CNR1: variants seen among roughly 807,000 people sequenced by gnomAD.
CNR1 encodes the protein cannabinoid receptor 1.
In CNR1, 10 loss-of-function variants were observed where a neutral mutation model predicts 23.0. The observed-to-expected ratio is 0.43, with a 90% CI of 0.27 to 0.74. CNR1 has a LOEUF of 0.74. CNR1 is among the 30% of genes least tolerant of loss of function. CNR1 has a pLI of 0.19. For synonymous variants in CNR1, 271 were observed against 255.2 expected, an observed-to-expected ratio of 1.06 and a Z score of -0.59; for missense variants, 422 against 618.8, an observed-to-expected ratio of 0.68 and a Z score of 3.37.
intron 1 of CNR1, among the ~76,000 whole-genome samples, chr6:88,156,561 TTC>T (rs780552164): frequency 4.6e-5 from 7 of 152,220 alleles, no homozygotes; most frequent in Non-Finnish European, 8.8e-5. Flanking sequence ...GCTGTGTGAA[TTC>T]TCTTTCTCTA....
chr6:88,153,745 A>G (rs1353636533), intron 1 of CNR1, among the ~76,000 whole-genome samples: 2 of 152,228 alleles, frequency 1.3e-5, no homozygotes, highest in Non-Finnish European at 2.9e-5. Context: ...GTATTTCTCT[A>G]AAGTTAGTAG....
chr6:88,161,949 G>A (rs967231044), intron 1 of CNR1, among the ~76,000 whole-genome samples: 1 of 152,114 alleles, frequency 6.6e-6, no homozygotes, highest in Non-Finnish European at 1.5e-5. Flanking sequence ...CCTCCAACTT[G>A]TACAGCCCTA....
Position 88,140,163 on chromosome 6 carries a change from T to C in CNR1, c.*3693A>G, listed in dbSNP as rs1439531375. On this transcript the variant is annotated 3_prime_UTR_variant, in exon 2 of 2. Coordinates refer to ENST00000369501, the MANE Select transcript of CNR1 (RefSeq NM_016083.6). The stretch of plus-strand genomic sequence containing the variant: ...CGATGTTACCAGCTCAACAAACATC[T>C]AACAATACAATATTCTTCTAAGAGG... The C allele has an allele frequency of 1.3e-5, 2 of 152,796 alleles. No homozygotes were observed. The highest frequency in any genetic ancestry group is 1.5e-5 in the Non-Finnish European group (1 of 68,032). 9.5% of individuals were successfully genotyped at this position (152,796 alleles called of 1,614,324 possible).
intron 1 of CNR1, among the ~76,000 whole-genome samples, chr6:88,150,721 A>AGTT (rs562954775): frequency 5.1e-4 from 77 of 152,302 alleles, no homozygotes; most frequent in African/African-American, 1.8e-3. Context: ...TATGGGTGGG[A>AGTT]GTTGAAAGGC....
intron 1 of CNR1, among the ~76,000 whole-genome samples, chr6:88,161,696 TG>T (rs1187109052): frequency 6.6e-6 from 1 of 152,220 alleles, no homozygotes; most frequent in Non-Finnish European, 1.5e-5. Flanking sequence ...ATTAGCAATA[TG>T]TATTAAACAT....
At chr6:88,154,672 G>A (rs1261291318) in intron 1 of CNR1, among the ~76,000 whole-genome samples, 4 of 152,102 alleles carry the variant, frequency 2.6e-5, no homozygotes, top group Admixed American at 6.5e-5. Context: ...TCCACCTCCC[G>A]AATTCAAGTG....
chr6:88,143,559 G>A lies in CNR1; in HGVS notation c.*297C>T, dbSNP rs909854888. 2 of 283,024 alleles carry A rather than the reference G, an allele frequency of 7.1e-6. No homozygotes were observed. Among genetic ancestry groups the A allele is most frequent in the Admixed American group, 4.8e-5 (1 of 21,026 alleles). 17.5% of individuals were successfully genotyped at this position (283,024 alleles called of 1,614,324 possible). A position where few individuals can be genotyped will look rare whatever the true frequency, so the allele number is the denominator to read the frequency against. On this transcript the variant is annotated 3_prime_UTR_variant, in exon 2 of 2. Transcript: ENST00000369501. ...TATTCATTTGATGGCATTTTTCCAT[G>A]GGTTCTTAGACTTCCAATTGTGTAG...
chr6:88,140,417 A>G lies in CNR1; in HGVS notation c.*3439T>C, dbSNP rs1037325117. Reference sequence around the variant, plus strand: ...CTGATTTGTAGGCCACTGCTCAAACATCTGACTTTTTAGAAACCTATTTAC... The same window carrying G: ...CTGATTTGTAGGCCACTGCTCAAACGTCTGACTTTTTAGAAACCTATTTAC... On this transcript the variant is annotated 3_prime_UTR_variant, in exon 2 of 2. Transcript: ENST00000369501. The G allele has an allele frequency of 6.5e-6, 1 of 152,804 alleles. No individual in the cohort carries two copies. Among genetic ancestry groups the G allele is most frequent in the African/African-American group, 2.4e-5 (1 of 41,458 alleles). The allele number at this position is 152,804 out of a possible 1,614,324, so 9.5% of individuals were successfully genotyped here. A position where few individuals can be genotyped will look rare whatever the true frequency, so the allele number is the denominator to read the frequency against.
intron 1 of CNR1, among the ~76,000 whole-genome samples, chr6:88,161,103 G>A (rs1363281826): frequency 6.6e-6 from 1 of 152,204 alleles, no homozygotes; most frequent in South Asian, 2.1e-4. Context: ...CAAAAATATA[G>A]AATATTATGC....
chr6:88,165,614 T>C lies in CNR1; in HGVS notation c.-64+189A>G, dbSNP rs6918069. ...CACACATTCAATAAATAGTAAATGG[T>C]AGAAATCTCCAGAAGTAGAACAGAT... On this transcript the variant is annotated intron_variant, in intron 1 of 1. Transcript: ENST00000369501. Among the ~76,000 whole-genome samples, 503 of 152,246 alleles carry C rather than the reference T, an allele frequency of 3.3e-3. 2 individuals carry two copies. Among genetic ancestry groups the C allele is most frequent in the African/African-American group, 0.011 (476 of 41,538 alleles).
chr6:88,164,746 T>C (rs1023057592), intron 1 of CNR1, among the ~76,000 whole-genome samples: 14 of 152,336 alleles, frequency 9.2e-5, no homozygotes, highest in East Asian at 3.9e-4. Context: ...GCAAAATAGA[T>C]TGATGTCAGT....
intron 1 of CNR1, among the ~76,000 whole-genome samples, chr6:88,163,487 T>G (rs746937488): frequency 3.9e-5 from 6 of 152,228 alleles, no homozygotes; most frequent in African/African-American, 1.2e-4. Context: ...CAAACACTAA[T>G]ATGCAAGACA....
rs899692769 is a variant in CNR1, at chr6:88,142,582, G to C, written c.*1274C>G. Reference sequence around the variant, plus strand: ...AATACTTGATCCAATCTCTTAAGGAGGGATGGGGTGAAATTTTTGAATGGT... The same window carrying C: ...AATACTTGATCCAATCTCTTAAGGACGGATGGGGTGAAATTTTTGAATGGT... On this transcript the variant is annotated 3_prime_UTR_variant, in exon 2 of 2. Transcript: ENST00000369501. 6.6e-6 allele frequency: 1 copy of C among 152,320 alleles called. No individual in the cohort carries two copies. The highest frequency in any genetic ancestry group is 1.5e-5 in the Non-Finnish European group (1 of 68,032). 9.4% of individuals were successfully genotyped at this position (152,320 alleles called of 1,614,324 possible).
intron 1 of CNR1, among the ~76,000 whole-genome samples, chr6:88,146,620 G>A (rs1582333540): frequency 1.3e-5 from 2 of 152,324 alleles, no homozygotes; most frequent in South Asian, 4.1e-4. Flanking sequence ...AACAGCCAGA[G>A]AACTGATCTT....
intron 1 of CNR1, among the ~76,000 whole-genome samples, chr6:88,157,221 T>C (rs1777850120): frequency 6.6e-6 from 1 of 152,182 alleles, no homozygotes; most frequent in Non-Finnish European, 1.5e-5. Flanking sequence ...AAATGCACAT[T>C]ATTGTGCATT....
At chr6:88,149,585 C>T (rs1182657374) in intron 1 of CNR1, among the ~76,000 whole-genome samples, 1 of 152,234 alleles carries the variant, frequency 6.6e-6, no homozygotes, top group Non-Finnish European at 1.5e-5. Context: ...GACTCCCACT[C>T]ATACTTAAAC....
chr6:88,145,025 T>G lies in CNR1; in HGVS notation c.250A>C (p.Lys84Gln). The G allele has an allele frequency of 6.2e-7, 1 of 1,614,096 alleles. No homozygotes were observed. The highest frequency in any genetic ancestry group is 1.1e-5 in the South Asian group (1 of 91,082). The change falls in exon 2 of 2, where the codon AAG becomes CAG. Residue 84 changes from lysine to glutamine, a missense_variant. Coordinates refer to ENST00000369501, the MANE Select transcript of CNR1 (RefSeq NM_016083.6). Reference protein sequence around the residue: ...DQVNITEFYNKSLSSFKENEE... With the variant: ...DQVNITEFYNQSLSSFKENEE... The stretch of plus-strand genomic sequence containing the variant: ...TTCTCCTTGAAGGACGAGAGAGACT[T>G]GTTGTAAAATTCTGTAATGTTCACC...
At chr6:88,159,696 T>A (rs1225792356) in intron 1 of CNR1, among the ~76,000 whole-genome samples, 2 of 152,242 alleles carry the variant, frequency 1.3e-5, no homozygotes, top group Non-Finnish European at 2.9e-5. Flanking sequence ...ATCTTGCACT[T>A]GTTTCAGTTA....
Position 88,143,657 on chromosome 6 carries a change from C to T in CNR1, c.*199G>A, listed in dbSNP as rs894891659. 1 of 561,778 alleles carries T rather than the reference C, an allele frequency of 1.8e-6. No homozygotes were observed. The highest frequency in any genetic ancestry group is 3.1e-6 in the Non-Finnish European group (1 of 317,630). 34.8% of individuals were successfully genotyped at this position (561,778 alleles called of 1,614,324 possible). A position where few individuals can be genotyped will look rare whatever the true frequency, so the allele number is the denominator to read the frequency against. On this transcript the variant is annotated 3_prime_UTR_variant, in exon 2 of 2. Coordinates refer to ENST00000369501, the MANE Select transcript of CNR1 (RefSeq NM_016083.6). Reference sequence around the variant, plus strand: ...TCACTTAAACAACAGGCTTTCTTCACTGTAAACCCCTGGAGAATGGAGTTT... The same window carrying T: ...TCACTTAAACAACAGGCTTTCTTCATTGTAAACCCCTGGAGAATGGAGTTT...
Sources: allele counts gnomAD v4.1 joint callset (sites outside exome capture counted in the v4.1 genomes callset), GRCh38; gene constraint gnomAD v4.1.1; transcripts MANE v1.5; gene names NCBI Gene and HGNC (gene_info 2026-07-23, HGNC 2026-07-21).